Variants in KANK1 observed in about 807,000 individuals in gnomAD.
The protein encoded by KANK1 is KN motif and ankyrin repeat domains 1.
Under a neutral mutation model 106.2 loss-of-function variants are expected in KANK1, and 109 were observed. The observed-to-expected ratio is 1.03, with a 90% CI of 0.88 to 1.20. The LOEUF (loss-of-function observed/expected upper bound fraction) is 1.20. KANK1 is among the 50% of genes most tolerant of loss of function. The probability of loss-of-function intolerance (pLI) is 0.00; values close to 1 mark genes in which losing one functional copy is unlikely to be tolerated. For missense variants in KANK1, 2,399 were observed against 1,710.7 expected, an observed-to-expected ratio of 1.40 and a Z score of -7.10; for synonymous variants, 873 against 652.2, an observed-to-expected ratio of 1.34 and a Z score of -5.16.
chr9:692,637 C>T (rs1386541291), intron 2 of KANK1, among the ~76,000 whole-genome samples: 2 of 150,550 alleles, frequency 1.3e-5, no homozygotes, highest in East Asian at 3.9e-4. Context: ...AGTTTTAGAA[C>T]ATACCCATAA....
chr9:717,691 T>G (rs1336991639), intron 3 of KANK1, among the ~76,000 whole-genome samples: 6 of 152,160 alleles, frequency 3.9e-5, no homozygotes, highest in Non-Finnish European at 8.8e-5. Context: ...TAAAAAAAAG[T>G]TTATTCTTCC....
At chr9:693,632 G>A (rs998810741) in intron 2 of KANK1, 13 of 985,270 alleles carry the variant, frequency 1.3e-5, no homozygotes, top group African/African-American at 1.0e-4. Flanking sequence ...CTGTTAGTTC[G>A]TCAGGAAATT....
chr9:721,528 T>C (rs1291575021), intron 3 of KANK1, among the ~76,000 whole-genome samples: 1 of 152,228 alleles, frequency 6.6e-6, no homozygotes, highest in African/African-American at 2.4e-5. Context: ...GGTCCCACTA[T>C]GATTGGTCTT....
Position 597,577 on chromosome 9 carries a change from G to A in KANK1, c.-83-79313G>A, listed in dbSNP as rs375120859. On this transcript the variant is annotated intron_variant, in intron 1 of 11. Coordinates refer to ENST00000382297, the MANE Select transcript of KANK1 (RefSeq NM_015158.5). Reference sequence around the variant, plus strand: ...TTATTTGTTGTTGACTTGTAAGAGTGCTTTATATATTCTGGATACTAGACC... The same window carrying A: ...TTATTTGTTGTTGACTTGTAAGAGTACTTTATATATTCTGGATACTAGACC... Among the ~76,000 whole-genome samples, 19 of 151,642 alleles carry A rather than the reference G, an allele frequency of 1.3e-4. No homozygotes were observed. The East Asian group carries it at 3.5e-3, about 28-fold the overall frequency.
chr9:555,857 T>C (rs2061551649), intron 1 of KANK1, among the ~76,000 whole-genome samples: 1 of 152,236 alleles, frequency 6.6e-6, no homozygotes, highest in Admixed American at 6.5e-5. Context: ...GTGATAAAGA[T>C]GCCGACAACC....
At chr9:663,759 A>G (rs555227730) in intron 1 of KANK1, among the ~76,000 whole-genome samples, 2 of 152,198 alleles carry the variant, frequency 1.3e-5, no homozygotes, top group Non-Finnish European at 2.9e-5. Context: ...CGGGATTCTG[A>G]AAGCATTTGC....
intron 1 of KANK1, among the ~76,000 whole-genome samples, chr9:550,111 T>C (rs2061183331): frequency 1.3e-5 from 2 of 152,238 alleles, no homozygotes; most frequent in South Asian, 4.2e-4. Context: ...AGGATAATTA[T>C]TCAGAATCAC....
intron 1 of KANK1, among the ~76,000 whole-genome samples, chr9:642,764 CT>C (rs531761523): frequency 3.5e-5 from 5 of 143,508 alleles, no homozygotes; most frequent in East Asian, 2.0e-4. Context: ...TGCCTGTCAC[CT>C]TTTTTTTTTC....
chr9:697,361 C>G (rs997462265), intron 2 of KANK1, among the ~76,000 whole-genome samples: 6 of 152,118 alleles, frequency 3.9e-5, no homozygotes, highest in African/African-American at 1.2e-4. Context: ...GCTTTCTCAT[C>G]ATAGAGTCAC....
chr9:645,104 A>C (rs1839355760), intron 1 of KANK1, among the ~76,000 whole-genome samples: 3 of 122,352 alleles, frequency 2.5e-5, no homozygotes, highest in Admixed American at 1.0e-4. Context: ...AGCCTCAGCA[A>C]CGGGGCAAGA....
rs572998107 is a variant in KANK1, at chr9:580,154, A to C, written c.-84+75400A>C. ...ACTGGCTTCAGGAGTGAAGCTGCAG[A>C]CCTTCGCGGTGAGTGTAACAGCTCT... is the stretch of plus-strand genomic sequence containing the variant. On this transcript the variant is annotated intron_variant, in intron 1 of 11. Coordinates refer to ENST00000382297, the MANE Select transcript of KANK1 (RefSeq NM_015158.5). Among the ~76,000 whole-genome samples, 4 of 151,776 alleles carry C rather than the reference A, an allele frequency of 2.6e-5. No individual in the cohort carries two copies. In the South Asian group the frequency reaches 8.3e-4, roughly 32 times the overall value.
chr9:707,261 G>C (rs370640994), intron 2 of KANK1: 6 of 983,020 alleles, frequency 6.1e-6, no homozygotes, highest in African/African-American at 1.7e-5. Flanking sequence ...GGTGAGCTGC[G>C]AGCGGCGTGG....
chr9:598,849 C>T (rs1826973276), intron 1 of KANK1, among the ~76,000 whole-genome samples: 1 of 149,340 alleles, frequency 6.7e-6, no homozygotes, highest in African/African-American at 2.5e-5. Context: ...CCAGACTGGT[C>T]TCGGACTCCT....
intron 1 of KANK1, among the ~76,000 whole-genome samples, chr9:595,521 C>G (rs1825999782): frequency 6.6e-6 from 1 of 151,640 alleles, no homozygotes; most frequent in African/African-American, 2.4e-5. Context: ...GAATTTTTTT[C>G]TTTTTTCTTT....
In KANK1 at chr9:713,012, A is replaced by G; in HGVS notation, c.2246A>G (p.Asp749Gly). 6.2e-7 allele frequency: 1 copy of G among 1,614,192 alleles called. No individual in the cohort carries two copies. The highest frequency in any genetic ancestry group is 8.5e-7 in the Non-Finnish European group (1 of 1,180,028). ...TTGCTTTCTGGCCATTCTGGGTTTG[A>G]CAGGCCATCAGCTGTGAAGACCAAA... The part of the protein sequence containing the change: ...GTLLSGHSGF[D>G]RPSAVKTKES... Residue 749 changes from aspartate (D) to glycine (G), a missense_variant, in exon 3 of 12, where the codon GAC (aspartate) becomes GGC (glycine). Physicochemically the swap from Asp to Gly is moderately conservative, Grantham distance 94. Coordinates refer to ENST00000382297, the MANE Select transcript of KANK1 (RefSeq NM_015158.5).
At chr9:532,015 T>C (rs1252150328) in intron 1 of KANK1, among the ~76,000 whole-genome samples, 1 of 152,182 alleles carries the variant, frequency 6.6e-6, no homozygotes. Flanking sequence ...TGTAAGATAA[T>C]AAGTGTAAAA....
At chr9:650,949 C>A (rs1840753904) in intron 1 of KANK1, among the ~76,000 whole-genome samples, 1 of 152,100 alleles carries the variant, frequency 6.6e-6, no homozygotes, top group Non-Finnish European at 1.5e-5. Flanking sequence ...TTTCCTCCTG[C>A]TTCTGTCAAA....
intron 2 of KANK1, among the ~76,000 whole-genome samples, chr9:686,384 G>C (rs1818561233): frequency 6.6e-6 from 1 of 152,144 alleles, no homozygotes; most frequent in Non-Finnish European, 1.5e-5. Flanking sequence ...TTGTGACCTG[G>C]CAGAGGAGGC....
intron 1 of KANK1, among the ~76,000 whole-genome samples, chr9:663,081 C>G (rs1366652298): frequency 6.6e-6 from 1 of 152,182 alleles, no homozygotes; most frequent in African/African-American, 2.4e-5. Flanking sequence ...TAACAATATT[C>G]ATCAATTTAA....
Sources: allele counts gnomAD v4.1 joint callset (sites outside exome capture counted in the v4.1 genomes callset), GRCh38; gene constraint gnomAD v4.1.1; transcripts MANE v1.5; gene names NCBI Gene and HGNC (gene_info 2026-07-23, HGNC 2026-07-21).